The following VPS54 variants were observed in gnomAD, a reference collection of about 807,000 sequenced individuals.
VPS54 encodes vacuolar protein sorting-associated protein 54.
A neutral mutation model predicts 121.5 loss-of-function variants in VPS54; 45 were observed. The ratio of observed to expected loss-of-function variants is 0.37; its 90% CI spans 0.29 to 0.47. The LOEUF (loss-of-function observed/expected upper bound fraction) is 0.47, where lower values mean the gene tolerates loss of function less well. Ranked by LOEUF, VPS54 falls within the 20% of genes least tolerant of loss-of-function variation. VPS54 has a pLI of 0.99. For synonymous variants in VPS54, 371 were observed against 385.8 expected (o/e 0.96, Z 0.45); for missense variants, 1,090 against 1,131.4 (o/e 0.96, Z 0.52).
intron 1 of VPS54, among the ~76,000 whole-genome samples, chr2:63,998,219 GT>G (rs576137399): frequency 1.3e-5 from 2 of 152,172 alleles, no homozygotes; most frequent in African/African-American, 2.4e-5. Flanking sequence ...TCTTCTTATA[GT>G]TTGTGTCTTG....
intron 1 of VPS54, among the ~76,000 whole-genome samples, chr2:64,013,031 T>C (rs1234714541): frequency 1.3e-5 from 2 of 152,178 alleles, no homozygotes; most frequent in African/African-American, 4.8e-5. Flanking sequence ...CAAGCAAGGA[T>C]CATTAATGGG....
chr2:63,941,470 T>A (rs1674728978), intron 11 of VPS54, among the ~76,000 whole-genome samples: 1 of 152,166 alleles, frequency 6.6e-6, no homozygotes, highest in Non-Finnish European at 1.5e-5. Context: ...CAAGTGATCC[T>A]CTTGCCTTGG....
At chr2:64,010,991 C>A (rs1036202952) in intron 1 of VPS54, among the ~76,000 whole-genome samples, 2 of 152,050 alleles carry the variant, frequency 1.3e-5, no homozygotes, top group East Asian at 3.8e-4. Context: ...TGAATGCATG[C>A]GCTTCCTAAA....
intron 1 of VPS54, among the ~76,000 whole-genome samples, chr2:64,016,290 AT>A (rs1179876637): frequency 2.0e-5 from 3 of 152,206 alleles, no homozygotes; most frequent in Non-Finnish European, 4.4e-5. Flanking sequence ...TGTATCAGTT[AT>A]TTACAACATC....
At chr2:63,929,473 C>G (rs1265230990) in intron 12 of VPS54, among the ~76,000 whole-genome samples, 1 of 152,088 alleles carries the variant, frequency 6.6e-6, no homozygotes, top group Non-Finnish European at 1.5e-5. Context: ...CCAATGAGAA[C>G]AAAGACACAA....
At chr2:63,990,250 G>A (rs1677253764) in intron 1 of VPS54, among the ~76,000 whole-genome samples, 1 of 152,012 alleles carries the variant, frequency 6.6e-6, no homozygotes, top group South Asian at 2.1e-4. Context: ...TCTAACTCTG[G>A]TGACTTTGGC....
At chr2:63,911,226 G>A (rs915436150) in intron 20 of VPS54, among the ~76,000 whole-genome samples, 9 of 152,114 alleles carry the variant, frequency 5.9e-5, no homozygotes, top group Non-Finnish European at 1.0e-4. Context: ...CTTGGCACCA[G>A]TGAAGAAAAT....
chr2:63,970,206 T>TACACAC (rs764067102), intron 4 of VPS54, among the ~76,000 whole-genome samples: 4 of 50,494 alleles, frequency 7.9e-5, no homozygotes, highest in Non-Finnish European at 1.3e-4. Context: ...AAAAAAAATA[T>TACACAC]ATATATACAC....
chr2:63,924,761 A>G (rs556807517), intron 12 of VPS54, among the ~76,000 whole-genome samples: 10 of 152,328 alleles, frequency 6.6e-5, no homozygotes, highest in African/African-American at 2.2e-4. Flanking sequence ...GAGTCCAGAA[A>G]CAGATACGCC....
In VPS54 at chr2:63,962,049, T is replaced by C. The variant is rs1675793982; in HGVS notation, c.1010+9A>G. The C allele has an allele frequency of 6.5e-7, 1 of 1,536,684 alleles. No homozygotes were observed. Among genetic ancestry groups the C allele is most frequent in the Non-Finnish European group, 8.8e-7 (1 of 1,137,884 alleles). Reference sequence around the variant, plus strand: ...ACATTATTTCTAGTGGCTTACTTAATGAACATACCGGAAACTGTGAATGCC... The same window carrying C: ...ACATTATTTCTAGTGGCTTACTTAACGAACATACCGGAAACTGTGAATGCC... On this transcript the variant is annotated intron_variant, in intron 7 of 22. Coordinates refer to ENST00000272322, the MANE Select transcript of VPS54 (RefSeq NM_016516.3).
intron 1 of VPS54, among the ~76,000 whole-genome samples, chr2:64,000,511 T>C (rs188893873): frequency 7.9e-5 from 12 of 152,378 alleles, no homozygotes; most frequent in Admixed American, 5.2e-4. Flanking sequence ...TCTGGACTTA[T>C]CTGTACCTGT....
At chr2:64,018,072 A>G (rs1678792252) in intron 1 of VPS54, among the ~76,000 whole-genome samples, 1 of 152,222 alleles carries the variant, frequency 6.6e-6, no homozygotes, top group African/African-American at 2.4e-5. Context: ...TCGCAGTAAT[A>G]TTTCTCGGTA....
intron 7 of VPS54, among the ~76,000 whole-genome samples, chr2:63,956,983 G>C (rs1675523922): frequency 6.6e-6 from 1 of 151,982 alleles, no homozygotes. Flanking sequence ...ATGCATTCTT[G>C]GGCTCACGAG....
At chr2:63,993,945 A>C (rs1035456631) in intron 1 of VPS54, among the ~76,000 whole-genome samples, 3 of 152,230 alleles carry the variant, frequency 2.0e-5, no homozygotes, top group African/African-American at 7.2e-5. Context: ...GGATTTCCCC[A>C]AAACCTTTAA....
intron 1 of VPS54, among the ~76,000 whole-genome samples, chr2:63,998,419 A>G (rs746903577): frequency 2.6e-5 from 4 of 152,110 alleles, no homozygotes; most frequent in African/African-American, 4.8e-5. Context: ...ATTATTACTG[A>G]TAAGTAACGA....
At position 63,913,326 on chromosome 2, in the gene VPS54, GA is replaced by G; in HGVS notation, c.2335-17del. ...AATTGAAGTACTAACAAAAGAAGGA[GA>G]AAAAAACCCCAAAATTTACTAAAAA... is the stretch of plus-strand genomic sequence containing the variant. On this transcript the variant is annotated splice_polypyrimidine_tract_variant and intron_variant, in intron 17 of 22. Transcript: ENST00000272322. 1.3e-6 allele frequency: 2 copies of G among 1,589,110 alleles called. No individual in the cohort carries two copies. The highest frequency in any genetic ancestry group is 1.1e-5 in the South Asian group (1 of 87,164).
intron 1 of VPS54, among the ~76,000 whole-genome samples, chr2:64,010,119 G>T (rs554378927): frequency 4.6e-5 from 7 of 152,176 alleles, no homozygotes; most frequent in Non-Finnish European, 8.8e-5. Context: ...TGGCATTACA[G>T]GCGTGAGCCA....
chr2:64,005,427 T>C (rs1305078484), intron 1 of VPS54, among the ~76,000 whole-genome samples: 4 of 152,294 alleles, frequency 2.6e-5, no homozygotes, highest in Middle Eastern at 3.4e-3. Flanking sequence ...AATACGAATC[T>C]AGTAACTACC....
rs201828132 is a variant in VPS54, at chr2:63,972,162, A to G, written c.457+4T>C. ...TATTATCTATAAATAACACATATTC[A>G]TACCATGAGTATGTAAAAGAGTCCT... On this transcript the variant is annotated splice_donor_region_variant and intron_variant, in intron 4 of 22. Coordinates refer to ENST00000272322, the MANE Select transcript of VPS54 (RefSeq NM_016516.3). The G allele has an allele frequency of 1.3e-4, 200 of 1,546,050 alleles. No homozygotes were observed. Among genetic ancestry groups the G allele is most frequent in the Admixed American group, 3.8e-4 (22 of 57,628 alleles).
Sources: allele counts gnomAD v4.1 joint callset (sites outside exome capture counted in the v4.1 genomes callset), GRCh38; gene constraint gnomAD v4.1.1; transcripts MANE v1.5; gene names NCBI Gene and HGNC (gene_info 2026-07-23, HGNC 2026-07-21).